Variants in URB1 observed in about 807,000 individuals in gnomAD.
The protein encoded by URB1 is nucleolar pre-ribosomal-associated protein 1.
Under a neutral mutation model 242.3 loss-of-function variants are expected in URB1, and 197 were observed. The observed-to-expected ratio is 0.81, with a 90% confidence interval of 0.72 to 0.91. URB1 has a LOEUF of 0.91. URB1 is among the 40% of genes least tolerant of loss of function. The probability of loss-of-function intolerance (pLI) is 0.00; values close to 1 mark genes in which losing one functional copy is unlikely to be tolerated. For missense variants in URB1, 2,721 were observed against 2,860.5 expected (o/e 0.95, Z 1.11); for synonymous variants, 1,153 against 1,201.8 (o/e 0.96, Z 0.84).
intron 13 of URB1, 79 bp from the exon 14 acceptor site, chr21:32,359,987 C>A: frequency 7.8e-7 from 1 of 1,278,314 alleles, no homozygotes; most frequent in Non-Finnish European, 1.1e-6. Flanking sequence ...GCCAGAAGGA[C>A]AAGGAACTCA....
intron 4 of URB1, among the ~76,000 whole-genome samples, chr21:32,383,012 C>CT (rs371439031): frequency 7.5e-4 from 114 of 152,318 alleles, no homozygotes; most frequent in African/African-American, 2.7e-3. Context: ...ACGTCACTGG[C>CT]TTAGAGCTTC....
At position 32,313,105 on chromosome 21, in the gene URB1, AT is replaced by A. The variant is rs1261226354; in HGVS notation, c.*1812del. 2.0e-5 allele frequency: 3 copies of A among 152,214 alleles called. No individual in the cohort carries two copies. Among genetic ancestry groups the A allele is most frequent in the African/African-American group, 7.2e-5 (3 of 41,430 alleles). 9.4% of individuals were successfully genotyped at this position (152,214 alleles called of 1,614,324 possible). A position where few individuals can be genotyped will look rare whatever the true frequency, so the allele number is the denominator to read the frequency against. ...CTGAGCTGGAACTCGGCTTTGGAGC[AT>A]TTGTCGCCACCTGACGTAGTATGTA... is the stretch of plus-strand genomic sequence containing the variant. On this transcript the variant is annotated 3_prime_UTR_variant, in exon 39 of 39. Transcript: ENST00000382751.
At chr21:32,340,376 C>T (rs1395788326) in intron 25 of URB1, among the ~76,000 whole-genome samples, 1 of 152,204 alleles carries the variant, frequency 6.6e-6, no homozygotes, top group Non-Finnish European at 1.5e-5. Flanking sequence ...CTTTGGGAGG[C>T]CGAGGCAGGT....
At chr21:32,323,488 C>CA (rs2032791952) in intron 32 of URB1, among the ~76,000 whole-genome samples, 1 of 152,204 alleles carries the variant, frequency 6.6e-6, no homozygotes, top group South Asian at 2.1e-4. Context: ...GTGGTACCCC[C>CA]ATTCCTGTAA....
At position 32,392,939 on chromosome 21, in the gene URB1, C is replaced by A. The variant is rs1361403777; in HGVS notation, c.-29G>T. The A allele has an allele frequency of 2.0e-6, 3 of 1,490,226 alleles. No individual in the cohort carries two copies. Among genetic ancestry groups the A allele is most frequent in the Non-Finnish European group, 1.8e-6 (2 of 1,120,374 alleles). 92.3% of individuals were successfully genotyped at this position (1,490,226 alleles called of 1,614,324 possible). ...CGAGAGGGCGGAAGCGCGACGGAAACGACACACCTGAGGGGACCCGGCAGG... is the reference window on the plus strand; with the variant it reads ...CGAGAGGGCGGAAGCGCGACGGAAAAGACACACCTGAGGGGACCCGGCAGG... On this transcript the variant is annotated 5_prime_UTR_variant, in exon 1 of 39. Transcript: ENST00000382751.
chr21:32,370,170 T>G (rs2033391536), intron 8 of URB1, among the ~76,000 whole-genome samples: 1 of 152,054 alleles, frequency 6.6e-6, no homozygotes, highest in Non-Finnish European at 1.5e-5. Context: ...CAGAAAATCC[T>G]CAGACTCTGT....
intron 34 of URB1, 54 bp from the exon 35 acceptor site, chr21:32,320,694 A>C (rs1288369720): frequency 1.2e-5 from 15 of 1,295,664 alleles, no homozygotes; most frequent in Non-Finnish European, 1.5e-5. Context: ...ACTTTACTTG[A>C]TTAAAGAAAC....
At chr21:32,318,028 C>T (rs1246020197) in intron 36 of URB1, 111 bp from the exon 37 acceptor site, 18 of 1,393,646 alleles carry the variant, frequency 1.3e-5, no homozygotes, top group Non-Finnish European at 1.5e-5. Flanking sequence ...ACAGTCCCTC[C>T]AGGAACCAGG....
intron 5 of URB1, chr21:32,377,452 G>T: frequency 2.8e-6 from 1 of 361,444 alleles, no homozygotes; most frequent in East Asian, 9.5e-5. Context: ...CCAGACAGCT[G>T]AAATGGCCCA....
chr21:32,381,567 A>T (rs1011856418), intron 4 of URB1, among the ~76,000 whole-genome samples: 1 of 152,222 alleles, frequency 6.6e-6, no homozygotes, highest in African/African-American at 2.4e-5. Context: ...ACCAAATGCA[A>T]TGTGGACTTT....
chr21:32,371,376 A>C (rs2833791), intron 8 of URB1, among the ~76,000 whole-genome samples: 19,730 of 152,246 alleles, frequency 0.13, 1,564 homozygotes, highest in African/African-American at 0.22. Context: ...TCATGGGCCT[A>C]GTTATGGAGG....
At chr21:32,346,696 G>A (rs2033089411) in intron 22 of URB1, among the ~76,000 whole-genome samples, 1 of 152,098 alleles carries the variant, frequency 6.6e-6, no homozygotes, top group Non-Finnish European at 1.5e-5. Flanking sequence ...CCCAACTCCC[G>A]CCAGCTTCAT....
intron 8 of URB1, among the ~76,000 whole-genome samples, chr21:32,371,809 T>C (rs920174845): frequency 6.8e-6 from 1 of 147,112 alleles, no homozygotes. Flanking sequence ...TAGTAAGCCA[T>C]TTTTGTTATT....
intron 14 of URB1, among the ~76,000 whole-genome samples, chr21:32,359,497 T>TA (rs1245668181): frequency 6.6e-6 from 1 of 152,132 alleles, no homozygotes; most frequent in Non-Finnish European, 1.5e-5. Flanking sequence ...GTTTATTATT[T>TA]AAAAATGAGA....
intron 25 of URB1, 52 bp downstream of exon 25, chr21:32,341,414 A>C: frequency 1.3e-6 from 2 of 1,523,998 alleles, no homozygotes; most frequent in South Asian, 2.4e-5. Context: ...TTGCATGCTG[A>C]ACGACATTCA....
chr21:32,382,807 C>T (rs1027859983), intron 4 of URB1, among the ~76,000 whole-genome samples: 7 of 152,160 alleles, frequency 4.6e-5, no homozygotes, highest in African/African-American at 1.7e-4. Flanking sequence ...CCAAGTGTGC[C>T]TGCTCCCCAA....
intron 8 of URB1, among the ~76,000 whole-genome samples, chr21:32,371,336 T>C (rs1356169604): frequency 1.3e-5 from 2 of 152,214 alleles, no homozygotes; most frequent in African/African-American, 4.8e-5. Flanking sequence ...CACAAGTTGA[T>C]TCAATATGCT....
intron 16 of URB1, 28 bp downstream of exon 16, chr21:32,355,421 T>C: frequency 6.5e-7 from 1 of 1,537,580 alleles, no homozygotes; most frequent in South Asian, 1.2e-5. Context: ...TCTGAGCATG[T>C]TCCTTTATGT....
chr21:32,379,112 T>C (rs2033493168), intron 4 of URB1, among the ~76,000 whole-genome samples: 1 of 152,216 alleles, frequency 6.6e-6, no homozygotes, highest in African/African-American at 2.4e-5. Flanking sequence ...GCCAGCACTG[T>C]CCACATGCAT....
Sources: allele counts gnomAD v4.1 joint callset (sites outside exome capture counted in the v4.1 genomes callset), GRCh38; gene constraint gnomAD v4.1.1; transcripts MANE v1.5; gene names NCBI Gene and HGNC (gene_info 2026-07-23, HGNC 2026-07-21).